GBF1: variants seen among roughly 807,000 people sequenced by gnomAD.
The protein encoded by GBF1 is Golgi-specific brefeldin A-resistance guanine nucleotide exchange factor 1.
Under a neutral mutation model 210.5 loss-of-function variants are expected in GBF1, and 114 were observed. The observed-to-expected ratio is 0.54, with a 90% confidence interval of 0.47 to 0.63. GBF1 has a LOEUF of 0.63. Among genes scored for constraint, GBF1 ranks in the 30% least tolerant of loss-of-function variants. The pLI is 0.00. For synonymous variants in GBF1, 850 were observed against 889.2 expected, an observed-to-expected ratio of 0.96 and a Z score of 0.78; for missense variants, 1,851 against 2,357.7, an observed-to-expected ratio of 0.79 and a Z score of 4.45.
intron 1 of GBF1, among the ~76,000 whole-genome samples, chr10:102,253,747 C>T (rs963894520): frequency 1.3e-5 from 2 of 152,162 alleles, no homozygotes; most frequent in African/African-American, 4.8e-5. Context: ...CTCCTTGGCT[C>T]AAGTGATCCT....
At chr10:102,335,201 T>TG (rs1315660715) in intron 3 of GBF1, among the ~76,000 whole-genome samples, 2 of 152,194 alleles carry the variant, frequency 1.3e-5, no homozygotes, top group Admixed American at 6.5e-5. Flanking sequence ...TTTTCTCCAA[T>TG]GGGGGGTTAG....
At chr10:102,377,457 G>A (rs918005812) in intron 33 of GBF1, among the ~76,000 whole-genome samples, 37 of 152,126 alleles carry the variant, frequency 2.4e-4, no homozygotes, top group Admixed American at 2.0e-3. Flanking sequence ...GGGTTCAAGC[G>A]ATTCTCCTGC....
At chr10:102,368,594 G>T in intron 22 of GBF1, 140 bp downstream of exon 22, 1 of 802,478 alleles carries the variant, frequency 1.2e-6, no homozygotes, top group East Asian at 2.5e-5. Flanking sequence ...CTGAAGCTTG[G>T]GTAGGCTCAG....
At chr10:102,357,638 A>G (rs1472345600) in intron 8 of GBF1, among the ~76,000 whole-genome samples, 1 of 152,164 alleles carries the variant, frequency 6.6e-6, no homozygotes. Context: ...CCGAGAGACC[A>G]TGCACCTGTA....
intron 3 of GBF1, 30 bp from the exon 4 acceptor site, chr10:102,344,021 A>C: frequency 6.3e-7 from 1 of 1,599,534 alleles, no homozygotes; most frequent in Non-Finnish European, 8.6e-7. Flanking sequence ...CTTAGATGAT[A>C]CCTCTTCATT....
At chr10:102,265,729 C>G (rs917947526) in intron 3 of GBF1, among the ~76,000 whole-genome samples, 1 of 152,082 alleles carries the variant, frequency 6.6e-6, no homozygotes, top group African/African-American at 2.4e-5. Context: ...GTATCACAAC[C>G]AAAATCTTCT....
At chr10:102,254,706 A>G (rs565241488) in intron 1 of GBF1, among the ~76,000 whole-genome samples, 2 of 152,098 alleles carry the variant, frequency 1.3e-5, no homozygotes, top group East Asian at 3.9e-4. Context: ...GTTGGTATTT[A>G]TTTAGTTGTT....
chr10:102,284,564 G>A (rs2075785573), intron 3 of GBF1, among the ~76,000 whole-genome samples: 1 of 152,118 alleles, frequency 6.6e-6, no homozygotes, highest in Non-Finnish European at 1.5e-5. Context: ...ATGTTTTTGA[G>A]GGTCATCCAT....
chr10:102,299,906 ATTG>A (rs960831444), intron 3 of GBF1, among the ~76,000 whole-genome samples: 8 of 152,182 alleles, frequency 5.3e-5, no homozygotes, highest in African/African-American at 1.9e-4. Flanking sequence ...TTATTTTATC[ATTG>A]TTATTAAAAG....
At chr10:102,347,389 C>T (rs1264779023) in intron 4 of GBF1, among the ~76,000 whole-genome samples, 4 of 152,198 alleles carry the variant, frequency 2.6e-5, no homozygotes, top group Non-Finnish European at 5.9e-5. Context: ...CAGCCACTTC[C>T]AGCCTTGCCC....
intron 3 of GBF1, among the ~76,000 whole-genome samples, chr10:102,309,445 C>T (rs1359000086): frequency 6.6e-6 from 1 of 152,214 alleles, no homozygotes; most frequent in Non-Finnish European, 1.5e-5. Context: ...AGGAGGTCTA[C>T]TATTTCTTCT....
intron 3 of GBF1, among the ~76,000 whole-genome samples, chr10:102,296,507 G>A (rs1307365123): frequency 2.0e-5 from 3 of 151,620 alleles, no homozygotes; most frequent in Middle Eastern, 3.2e-3. Context: ...CACTTTGGGA[G>A]GCCAAGGCGG....
At chr10:102,344,204 C>A (rs772978717) in intron 4 of GBF1, 22 bp downstream of exon 4, 1 of 1,612,274 alleles carries the variant, frequency 6.2e-7, no homozygotes, top group Non-Finnish European at 8.5e-7. Flanking sequence ...GGCTTTGTTG[C>A]ATGACCACAG....
chr10:102,255,980 C>T (rs61874853), intron 1 of GBF1, among the ~76,000 whole-genome samples: 11,884 of 152,310 alleles, frequency 0.078, 537 homozygotes, highest in African/African-American at 0.12. Flanking sequence ...GAGTCTCGCT[C>T]TGTTGCCCAG....
At chr10:102,347,470 C>T (rs2058652968) in intron 4 of GBF1, among the ~76,000 whole-genome samples, 1 of 150,042 alleles carries the variant, frequency 6.7e-6, no homozygotes, top group Non-Finnish European at 1.5e-5. Flanking sequence ...TTTCCCTCTG[C>T]TGTCTTGTTG....
At chr10:102,236,730 G>A in the GBF1 span, among the ~76,000 whole-genome samples, 1 of 152,200 alleles carries the variant, frequency 6.6e-6, no homozygotes. Flanking sequence ...GGTAGACCAG[G>A]GACATAGTGA....
chr10:102,255,104 G>C (rs1165112411), intron 1 of GBF1, among the ~76,000 whole-genome samples: 1 of 151,998 alleles, frequency 6.6e-6, no homozygotes. Flanking sequence ...GCAGTGGCGC[G>C]ATCTCGGCTC....
In GBF1 at chr10:102,367,062, AGGC is replaced by A; in HGVS notation, c.2434-20_2434-18del. 3.1e-6 allele frequency: 5 copies of A among 1,613,366 alleles called. No individual in the cohort carries two copies. The highest frequency in any genetic ancestry group is 4.2e-6 in the Non-Finnish European group (5 of 1,179,528). The stretch of plus-strand genomic sequence containing the variant: ...ATTGGCCAGAGAAGGGCATTGACAC[AGGC>A]GGGATCTTTGCTTTTTCAGAATTGT... On this transcript the variant is annotated intron_variant, in intron 19 of 39. Coordinates refer to ENST00000369983, the MANE Select transcript of GBF1 (RefSeq NM_001377137.1).
At chr10:102,297,705 A>C (rs2077020677) in intron 3 of GBF1, among the ~76,000 whole-genome samples, 1 of 152,230 alleles carries the variant, frequency 6.6e-6, no homozygotes, top group African/African-American at 2.4e-5. Context: ...CTTTGGACAT[A>C]GAATTTGAGT....
Sources: allele counts gnomAD v4.1 joint callset (sites outside exome capture counted in the v4.1 genomes callset), GRCh38; gene constraint gnomAD v4.1.1; transcripts MANE v1.5; gene names NCBI Gene and HGNC (gene_info 2026-07-23, HGNC 2026-07-21).